The following SGIP1 variants were observed in gnomAD, a reference collection of about 807,000 sequenced individuals.
The protein encoded by SGIP1 is SH3-containing GRB2-like protein 3-interacting protein 1.
In SGIP1, 38 loss-of-function variants were observed where a neutral mutation model predicts 107.5. That is an observed-to-expected ratio of 0.35 (90% CI 0.27 to 0.46). The LOEUF is 0.46. Among genes scored for constraint, SGIP1 ranks in the 20% least tolerant of loss-of-function variants. SGIP1 has a pLI of 1.00. For missense variants in SGIP1, 929 were observed against 1,019.5 expected (o/e 0.91, Z 1.21); for synonymous variants, 365 against 366.1 (o/e 1.00, Z 0.03).
intron 3 of SGIP1, 97 bp from the exon 4 acceptor site, chr1:66,635,846 TG>T: frequency 8.0e-7 from 1 of 1,251,590 alleles, no homozygotes. Flanking sequence ...GTTTCTTCTA[TG>T]GTATGTTTGC....
chr1:66,674,314 G>A (rs889451164), intron 12 of SGIP1, among the ~76,000 whole-genome samples: 5 of 151,950 alleles, frequency 3.3e-5, no homozygotes, highest in African/African-American at 9.7e-5. Flanking sequence ...TGTAAATACC[G>A]TGTACTTTAC....
intron 1 of SGIP1, among the ~76,000 whole-genome samples, chr1:66,586,425 G>T (rs1216195825): frequency 1.3e-5 from 2 of 151,914 alleles, no homozygotes; most frequent in Non-Finnish European, 2.9e-5. Context: ...CCTTCCTGAA[G>T]GTTACTTGAA....
intron 15 of SGIP1, among the ~76,000 whole-genome samples, chr1:66,688,519 T>A (rs1283329488): frequency 5.9e-5 from 9 of 152,208 alleles, no homozygotes; most frequent in Non-Finnish European, 1.3e-4. Context: ...CAAAATAAAA[T>A]CCTCTAAATT....
rs55756124 is a variant in SGIP1 at position 66,750,044 on chromosome 1, T to G, written c.*6949T>G. ...CTCTGTGTGTGTGTGGGGGTGTGTGTGTGTGTGTGTGTGTGTGTGTGTGTC... is the reference window on the plus strand; with the variant it reads ...CTCTGTGTGTGTGTGGGGGTGTGTGGGTGTGTGTGTGTGTGTGTGTGTGTC... On this transcript the variant is annotated 3_prime_UTR_variant, in exon 25 of 25. Coordinates refer to ENST00000371037, the MANE Select transcript of SGIP1 (RefSeq NM_032291.4). Among the ~76,000 whole-genome samples the G allele has an allele frequency of 0.18, 25,189 of 137,308 alleles. 2,499 individuals carry two copies. The highest frequency in any genetic ancestry group is 0.25 in the Non-Finnish European group (15,510 of 62,366). 90.1% of individuals were successfully genotyped at this position (137,308 alleles called of 152,430 possible).
At chr1:66,655,531 C>T (rs115657955) in intron 7 of SGIP1, among the ~76,000 whole-genome samples, 6 of 152,158 alleles carry the variant, frequency 3.9e-5, no homozygotes, top group Admixed American at 3.9e-4. Context: ...GCAATTTTAT[C>T]ATTGTGTGCA....
chr1:66,640,681 C>T (rs1052408580), intron 5 of SGIP1, among the ~76,000 whole-genome samples: 3 of 150,090 alleles, frequency 2.0e-5, no homozygotes, highest in Non-Finnish European at 4.4e-5. Flanking sequence ...CCTGCTGGGC[C>T]TTATTGGCTA....
intron 2 of SGIP1, among the ~76,000 whole-genome samples, chr1:66,632,730 C>T (rs189005701): frequency 3.3e-4 from 50 of 151,484 alleles, no homozygotes; most frequent in Non-Finnish European, 6.3e-4. Context: ...TAGAGTGGGA[C>T]AGTTAGCCAG....
At chr1:66,620,718 A>G (rs1218333156) in intron 1 of SGIP1, among the ~76,000 whole-genome samples, 2 of 152,242 alleles carry the variant, frequency 1.3e-5, no homozygotes, top group African/African-American at 2.4e-5. Context: ...GAGTGGGGAC[A>G]TAAAGCCAAA....
At chr1:66,694,600 C>A in intron 17 of SGIP1, 1 of 924,522 alleles carries the variant, frequency 1.1e-6, no homozygotes, top group Non-Finnish European at 1.6e-6. Flanking sequence ...CATGCCCTCA[C>A]CTCATGAGTG....
At chr1:66,623,091 A>G (rs2071596147) in intron 1 of SGIP1, among the ~76,000 whole-genome samples, 1 of 152,208 alleles carries the variant, frequency 6.6e-6, no homozygotes, top group South Asian at 2.1e-4. Context: ...ACTCAATTTT[A>G]ACACAGTTGG....
chr1:66,728,917 CAGAA>C (rs2093884244), intron 19 of SGIP1, among the ~76,000 whole-genome samples: 1 of 151,468 alleles, frequency 6.6e-6, no homozygotes, highest in Non-Finnish European at 1.5e-5. Flanking sequence ...AACATGTTGA[CAGAA>C]AGAGAGGAAC....
At chr1:66,640,286 TTG>T (rs994246783) in intron 5 of SGIP1, among the ~76,000 whole-genome samples, 5 of 152,312 alleles carry the variant, frequency 3.3e-5, no homozygotes, top group Middle Eastern at 3.4e-3. Flanking sequence ...AGCTAATTAT[TTG>T]CAAAACATTT....
intron 1 of SGIP1, among the ~76,000 whole-genome samples, chr1:66,582,365 A>G (rs1037488652): frequency 6.6e-6 from 1 of 152,090 alleles, no homozygotes; most frequent in African/African-American, 2.4e-5. Flanking sequence ...GAAGAACCTT[A>G]CTGTCAGCAT....
At chr1:66,651,604 C>T (rs2078766718) in intron 7 of SGIP1, among the ~76,000 whole-genome samples, 1 of 152,158 alleles carries the variant, frequency 6.6e-6, no homozygotes, top group Non-Finnish European at 1.5e-5. Context: ...CCCATAATCC[C>T]AGCCCAAAGG....
chr1:66,630,904 AAGGGAGGGAGGGAGGG>A (rs71058466), intron 2 of SGIP1, among the ~76,000 whole-genome samples: 4 of 9,290 alleles, frequency 4.3e-4, no homozygotes, highest in Admixed American at 1.6e-3. Context: ...AGAAAGAAAG[AAGGGAGGGAGGGAGGG>A]AGGAAGGAAG....
chr1:66,630,907 G>GAAA (rs1558134713), intron 2 of SGIP1, among the ~76,000 whole-genome samples: 10 of 60,764 alleles, frequency 1.6e-4, no homozygotes, highest in Non-Finnish European at 1.9e-4. Flanking sequence ...AAGAAAGAAG[G>GAAA]GAGGGAGGGA....
At chr1:66,650,094 T>C (rs2078447598) in intron 7 of SGIP1, among the ~76,000 whole-genome samples, 1 of 152,184 alleles carries the variant, frequency 6.6e-6, no homozygotes, top group South Asian at 2.1e-4. Flanking sequence ...TCATTAATAG[T>C]GATAAATAAC....
At chr1:66,612,026 GAGA>G (rs67495095) in intron 1 of SGIP1, among the ~76,000 whole-genome samples, 52,519 of 151,830 alleles carry the variant, frequency 0.35, 9,313 homozygotes, top group Admixed American at 0.41. Flanking sequence ...AGTTTAGAAA[GAGA>G]AGGTTTATTT....
chr1:66,610,432 G>T (rs2067739695), intron 1 of SGIP1, among the ~76,000 whole-genome samples: 1 of 152,138 alleles, frequency 6.6e-6, no homozygotes, highest in South Asian at 2.1e-4. Flanking sequence ...GTGGCTGTGG[G>T]CCTGTTGTTT....
Sources: gnomAD v4.1 joint callset for allele counts (sites outside exome capture counted in the v4.1 genomes callset) on GRCh38, gnomAD v4.1.1 for gene constraint, MANE v1.5 for transcripts, NCBI Gene and HGNC (gene_info 2026-07-23, HGNC 2026-07-21) for gene names.